SPATA13: variants seen among roughly 807,000 people sequenced by gnomAD.
SPATA13 encodes the protein spermatogenesis associated 13.
A neutral mutation model predicts 104.0 loss-of-function variants in SPATA13; 50 were observed. The ratio of observed to expected loss-of-function variants is 0.48; its 90% CI spans 0.38 to 0.61. SPATA13 has a LOEUF of 0.61. SPATA13 is among the 20% of genes least tolerant of loss of function. The pLI, the probability that SPATA13 is intolerant of heterozygous loss-of-function variation, is 0.00. For missense variants in SPATA13, 1,524 were observed against 1,690.6 expected, an observed-to-expected ratio of 0.90 and a Z score of 1.73; for synonymous variants, 606 against 667.5, an observed-to-expected ratio of 0.91 and a Z score of 1.42.
intron 3 of SPATA13, chr13:24,122,407 G>A (rs1226681892): frequency 8.2e-6 from 13 of 1,588,150 alleles, no homozygotes; most frequent in African/African-American, 4.0e-5. Flanking sequence ...TTCCAGAGCA[G>A]TCTCTTCCGC....
At chr13:24,255,179 G>A (rs1301915577) in intron 4 of SPATA13, among the ~76,000 whole-genome samples, 2 of 152,088 alleles carry the variant, frequency 1.3e-5, no homozygotes, top group South Asian at 2.1e-4. Context: ...ATTTGCCGCC[G>A]GGAGTTTCCC....
intron 2 of SPATA13, among the ~76,000 whole-genome samples, chr13:24,007,122 G>A (rs1273805743): frequency 6.6e-6 from 1 of 152,184 alleles, no homozygotes; most frequent in Non-Finnish European, 1.5e-5. Flanking sequence ...CTCTGGCACT[G>A]TAGTCACCTC....
At chr13:24,059,152 T>C (rs1388008069) in intron 3 of SPATA13, among the ~76,000 whole-genome samples, 3 of 151,568 alleles carry the variant, frequency 2.0e-5, no homozygotes, top group African/African-American at 7.3e-5. Context: ...TTTGTATTTT[T>C]AGTAGAGACG....
intron 2 of SPATA13, among the ~76,000 whole-genome samples, chr13:24,226,017 G>A (rs78916128): frequency 0.013 from 2,049 of 152,326 alleles, 24 homozygotes; most frequent in Middle Eastern, 0.041. Context: ...GACCTGGAAT[G>A]TGTTGCTCCT....
At chr13:24,101,499 A>C (rs55800191) in intron 3 of SPATA13, among the ~76,000 whole-genome samples, 54,376 of 151,534 alleles carry the variant, frequency 0.36, 10,217 homozygotes, top group Non-Finnish European at 0.41. Context: ...AAAAAAAACA[A>C]CACATAAAAC....
chr13:24,233,317 T>G (rs1371524400), intron 2 of SPATA13, among the ~76,000 whole-genome samples: 6 of 152,210 alleles, frequency 3.9e-5, no homozygotes, highest in Non-Finnish European at 7.3e-5. Context: ...GATATGACAG[T>G]TAGTGTTTTA....
chr13:24,032,984 G>T (rs1027075400), intron 3 of SPATA13, among the ~76,000 whole-genome samples: 1 of 152,186 alleles, frequency 6.6e-6, no homozygotes, highest in African/African-American at 2.4e-5. Flanking sequence ...AGATTGGAAA[G>T]GTTTGTGTAA....
chr13:24,049,035 CA>C (rs1370428764), intron 3 of SPATA13, among the ~76,000 whole-genome samples: 1 of 152,072 alleles, frequency 6.6e-6, no homozygotes, highest in Non-Finnish European at 1.5e-5. Flanking sequence ...CAGGGGCTAC[CA>C]AATGGTTACT....
At chr13:24,189,245 G>A (rs1265231511) in intron 1 of SPATA13, among the ~76,000 whole-genome samples, 1 of 151,878 alleles carries the variant, frequency 6.6e-6, no homozygotes, top group Non-Finnish European at 1.5e-5. Context: ...GCCGAGGCCG[G>A]TGGATCACGA....
At chr13:24,265,779 G>C (rs1235372891) in intron 4 of SPATA13, among the ~76,000 whole-genome samples, 1 of 152,084 alleles carries the variant, frequency 6.6e-6, no homozygotes, top group African/African-American at 2.4e-5. Context: ...GTAGTTCTTG[G>C]TAATGGGGCC....
At chr13:24,270,857 G>T in intron 4 of SPATA13, 1 of 1,612,868 alleles carries the variant, frequency 6.2e-7, no homozygotes, top group Non-Finnish European at 8.5e-7. Flanking sequence ...CAAACAGAAG[G>T]ATGGTAGCTA....
chr13:24,174,465 C>G (rs1042234808), intron 1 of SPATA13, among the ~76,000 whole-genome samples: 2 of 151,930 alleles, frequency 1.3e-5, no homozygotes, highest in African/African-American at 4.8e-5. Context: ...GCATTTCGTG[C>G]TATCAGTTTC....
intron 3 of SPATA13, among the ~76,000 whole-genome samples, chr13:24,114,401 G>A (rs1880763007): frequency 6.6e-6 from 1 of 152,248 alleles, no homozygotes; most frequent in South Asian, 2.1e-4. Context: ...GTGCATGTGT[G>A]CACACATGTA....
chr13:24,100,151 AAAAG>A (rs1289795872), intron 3 of SPATA13, among the ~76,000 whole-genome samples: 2 of 152,186 alleles, frequency 1.3e-5, no homozygotes, highest in Non-Finnish European at 2.9e-5. Context: ...TTAAAAAAAA[AAAAG>A]AATCAAACCA....
rs573132579 is a variant in SPATA13 at position 24,263,770 on chromosome 13, C to T, written c.2164+11908C>T. ...TCCACAGATGTGTAACCCACAGATA[C>T]GGAGGACCAACTGTGTTTACTTACA... On this transcript the variant is annotated intron_variant, in intron 4 of 12. Coordinates refer to ENST00000382108, the MANE Select transcript of SPATA13 (RefSeq NM_001166271.3). Among the ~76,000 whole-genome samples the T allele has an allele frequency of 1.4e-4, 21 of 152,314 alleles. No homozygotes were observed. The South Asian group carries it at 3.7e-3, about 27-fold the overall frequency.
intron 7 of SPATA13, among the ~76,000 whole-genome samples, chr13:24,288,379 G>A (rs766398323): frequency 7.9e-5 from 12 of 152,210 alleles, no homozygotes; most frequent in Non-Finnish European, 1.6e-4. Context: ...TCTACTGAAT[G>A]TCATGATAAC....
chr13:24,267,889 G>A (rs893081583), intron 4 of SPATA13, among the ~76,000 whole-genome samples: 1 of 152,232 alleles, frequency 6.6e-6, no homozygotes, highest in African/African-American at 2.4e-5. Context: ...GAGTTGTCTA[G>A]AACAACACTT....
rs1283159658 is a variant in SPATA13 at position 24,205,663 on chromosome 13, A to C, written c.-111-17156A>C. ...CAAAAAGAAGAAAGCTGGAGGCATC[A>C]CTTTACCCAACTTCAAACTATACTA... On this transcript the variant is annotated intron_variant, in intron 1 of 12. Coordinates refer to ENST00000382108, the MANE Select transcript of SPATA13 (RefSeq NM_001166271.3). This position sits in a 1 kb window ranked among gnomAD's most constrained non-coding sequence, Gnocchi z 4.1. 6.6e-6 allele frequency among the ~76,000 whole-genome samples: 1 copy of C among 152,212 alleles called. No individual in the cohort carries two copies. The highest frequency in any genetic ancestry group is 1.5e-5 in the Non-Finnish European group (1 of 68,028).
intron 1 of SPATA13, among the ~76,000 whole-genome samples, chr13:24,183,927 G>GT (rs1868978149): frequency 6.6e-6 from 1 of 152,074 alleles, no homozygotes; most frequent in African/African-American, 2.4e-5. Flanking sequence ...TGTTTTCCAT[G>GT]TATTGGGTCA....
Sources: gnomAD v4.1 joint callset for allele counts (sites outside exome capture counted in the v4.1 genomes callset) on GRCh38, gnomAD v4.1.1 for gene constraint, Gnocchi (gnomAD v3.1) non-coding constraint, MANE v1.5 for transcripts, NCBI Gene and HGNC (gene_info 2026-07-23, HGNC 2026-07-21) for gene names.